Variants in GLS observed in about 807,000 individuals in gnomAD.
GLS encodes the protein glutaminase.
Under a neutral mutation model 86.7 loss-of-function variants are expected in GLS, and 36 were observed. The ratio of observed to expected loss-of-function variants is 0.42; its 90% confidence interval spans 0.32 to 0.55. GLS has a LOEUF of 0.55. GLS is among the 20% of genes least tolerant of loss of function. The pLI is 0.17. For missense variants in GLS, 528 were observed against 833.4 expected (o/e 0.63, Z 4.51); for synonymous variants, 317 against 305.9 (o/e 1.04, Z -0.38).
Position 190,921,209 on chromosome 2 carries a change from T to A in GLS, c.1130+6T>A. ...GTTGGATTCAGTAATGCAACGTGAG[T>A]GTTTTAAATACTGTTTTGTTACGTA... is the stretch of plus-strand genomic sequence containing the variant. On this transcript the variant is annotated splice_donor_region_variant and intron_variant, in intron 9 of 17. Transcript: ENST00000320717. The surrounding 1 kb of genome is among the most constrained non-coding windows in gnomAD (Gnocchi z 4.2). 1 of 1,569,978 alleles carries A rather than the reference T, an allele frequency of 6.4e-7. No individual in the cohort carries two copies. The highest frequency in any genetic ancestry group is 8.8e-7 in the Non-Finnish European group (1 of 1,140,314).
intron 4 of GLS, 106 bp from the exon 5 acceptor site, chr2:190,901,837 ATAAC>A (rs1688951744): frequency 1.4e-6 from 1 of 714,898 alleles, no homozygotes; most frequent in Non-Finnish European, 2.6e-6. Context: ...GTGTTGTAGA[ATAAC>A]TAGTCATTGG....
chr2:190,908,952 T>G (rs1406336085), intron 6 of GLS, among the ~76,000 whole-genome samples: 1 of 152,206 alleles, frequency 6.6e-6, no homozygotes, highest in Non-Finnish European at 1.5e-5. Context: ...GTACATAGAT[T>G]AGCAGTCTTC....
rs760594572 is a variant in GLS at position 190,921,253 on chromosome 2, T to C, written c.1130+50T>C. 8.6e-7 allele frequency: 1 copy of C among 1,162,968 alleles called. No homozygotes were observed. The highest frequency in any genetic ancestry group is 1.3e-6 in the Non-Finnish European group (1 of 770,074). 72.0% of individuals were successfully genotyped at this position (1,162,968 alleles called of 1,614,324 possible). Reference sequence around the variant, plus strand: ...TTACGTAAAAACACACAACTGTATTTAGAATTGATCCACTCTCTTTTCATT... The same window carrying C: ...TTACGTAAAAACACACAACTGTATTCAGAATTGATCCACTCTCTTTTCATT... On this transcript the variant is annotated intron_variant, in intron 9 of 17. Coordinates refer to ENST00000320717, the MANE Select transcript of GLS (RefSeq NM_014905.5). The surrounding 1 kb of genome is among the most constrained non-coding windows in gnomAD (Gnocchi z 4.2).
chr2:190,891,171 A>G (rs771780232), intron 1 of GLS, among the ~76,000 whole-genome samples: 2 of 152,212 alleles, frequency 1.3e-5, no homozygotes, highest in Non-Finnish European at 2.9e-5. Context: ...AGGCAAAATT[A>G]AATACTTCAT....
At chr2:190,894,085 A>G (rs1688651284) in intron 1 of GLS, among the ~76,000 whole-genome samples, 1 of 152,190 alleles carries the variant, frequency 6.6e-6, no homozygotes, top group South Asian at 2.1e-4. Context: ...TTTAATGCAT[A>G]CTTATTGGTA....
intron 17 of GLS, among the ~76,000 whole-genome samples, chr2:190,957,912 C>A (rs572490895): frequency 5.9e-5 from 9 of 152,286 alleles, no homozygotes; most frequent in African/African-American, 2.2e-4. Context: ...CAAGATGATG[C>A]TGGCCTCATA....
Position 190,924,875 on chromosome 2 carries a change from A to C in GLS, c.1248+282A>C. The C allele has an allele frequency of 3.5e-6, 1 of 283,288 alleles. No homozygotes were observed. Among genetic ancestry groups the C allele is most frequent in the Non-Finnish European group, 6.7e-6 (1 of 149,042 alleles). 17.5% of individuals were successfully genotyped at this position (283,288 alleles called of 1,614,324 possible). On this transcript the variant is annotated intron_variant, in intron 11 of 17. Coordinates refer to ENST00000320717, the MANE Select transcript of GLS (RefSeq NM_014905.5). The surrounding 1 kb of genome is among the most constrained non-coding windows in gnomAD (Gnocchi z 5.2). ...GGTTGCAGTGAGCCGAGATCACGCCACTGCATTCCAGCCTGGCGACACAGT... is the reference window on the plus strand; with the variant it reads ...GGTTGCAGTGAGCCGAGATCACGCCCCTGCATTCCAGCCTGGCGACACAGT...
intron 14 of GLS, among the ~76,000 whole-genome samples, chr2:190,944,586 T>C (rs1690535017): frequency 6.6e-6 from 1 of 152,200 alleles, no homozygotes; most frequent in South Asian, 2.1e-4. Flanking sequence ...GGAGTGCTGT[T>C]TTTCAGACCA....
intron 6 of GLS, among the ~76,000 whole-genome samples, chr2:190,907,217 C>T (rs535890713): frequency 8.0e-4 from 121 of 151,374 alleles, no homozygotes; most frequent in Middle Eastern, 6.8e-3. Context: ...AGCCACTGCA[C>T]CCGGCAGTAG....
At position 190,900,631 on chromosome 2, in the gene GLS, A is replaced by C; in HGVS notation, c.673A>C (p.Met225Leu). The C allele has an allele frequency of 6.2e-7, 1 of 1,604,702 alleles. No homozygotes were observed. The highest frequency in any genetic ancestry group is 8.5e-7 in the Non-Finnish European group (1 of 1,171,920). The change falls in exon 4 of 18, where the codon ATG (methionine) becomes CTG (leucine). Residue 225 changes from methionine to leucine, a missense_variant. Physicochemically the swap from Met to Leu is conservative, Grantham distance 15. Transcript: ENST00000320717. The part of the protein sequence containing the change: ...FRRKFVIPDF[M>L]SFTSHIDELY... The stretch of plus-strand genomic sequence containing the variant: ...AAGAAAGTTTGTGATTCCTGACTTT[A>C]TGTCTTTTACCTCACACATTGATGA...
chr2:190,960,390 G>A (rs771938977), intron 17 of GLS, among the ~76,000 whole-genome samples: 1 of 141,288 alleles, frequency 7.1e-6, no homozygotes, highest in African/African-American at 2.7e-5. Context: ...TTGAGACTGG[G>A]TCTTGCCTTG....
intron 6 of GLS, among the ~76,000 whole-genome samples, chr2:190,908,746 G>A (rs1413206763): frequency 2.0e-5 from 3 of 152,216 alleles, no homozygotes; most frequent in Non-Finnish European, 2.9e-5. Context: ...TCTCTGGCGG[G>A]TTTCCGGATG....
intron 17 of GLS, among the ~76,000 whole-genome samples, chr2:190,959,254 T>A (rs928127735): frequency 1.4e-4 from 22 of 152,150 alleles, no homozygotes; most frequent in African/African-American, 4.8e-4. Flanking sequence ...TTTTTTTTTT[T>A]TTTTGCTTTC....
At chr2:190,892,462 A>C (rs1688597986) in intron 1 of GLS, among the ~76,000 whole-genome samples, 1 of 152,174 alleles carries the variant, frequency 6.6e-6, no homozygotes, top group Admixed American at 6.5e-5. Context: ...AAAGATTGCT[A>C]TAATCCTATT....
chr2:190,962,836 T>TAA lies in GLS; in HGVS notation c.1861_1862dup (p.Asn621LysfsTer64). ...TGCTGTGCTACGTGTTTAGGTGGAA[T>TAA]AACACTCCCATGGATGAAGCACTGC... On this transcript the variant is annotated frameshift_variant, in exon 18 of 18. Transcript: ENST00000320717. LOFTEE classifies it high-confidence loss of function. The surrounding 1 kb of genome is among the most constrained non-coding windows in gnomAD (Gnocchi z 4.2). 6.5e-7 allele frequency: 1 copy of TAA among 1,540,220 alleles called. No homozygotes were observed. The highest frequency in any genetic ancestry group is 8.7e-7 in the Non-Finnish European group (1 of 1,148,802).
chr2:190,927,261 T>G (rs1189636139), intron 11 of GLS, 45 bp from the exon 12 acceptor site: 1 of 1,362,526 alleles, frequency 7.3e-7, no homozygotes, highest in East Asian at 2.4e-5. Flanking sequence ...AAGTGAACAG[T>G]AATATTAAAA....
At chr2:190,908,975 G>A (rs1284297929) in intron 6 of GLS, among the ~76,000 whole-genome samples, 1 of 152,188 alleles carries the variant, frequency 6.6e-6, no homozygotes, top group East Asian at 1.9e-4. Context: ...GGACTGTAGA[G>A]TCTAAGCCTG....
At chr2:190,898,756 C>T (rs927407547) in intron 3 of GLS, among the ~76,000 whole-genome samples, 5 of 152,108 alleles carry the variant, frequency 3.3e-5, no homozygotes, top group South Asian at 2.1e-4. Flanking sequence ...CTCAGCCTCC[C>T]GAGTAGCTGG....
chr2:190,921,170 C>G lies in GLS; in HGVS notation c.1097C>G (p.Ala366Gly). 2 of 1,608,750 alleles carry G rather than the reference C, an allele frequency of 1.2e-6. No homozygotes were observed. The highest frequency in any genetic ancestry group is 2.2e-5 in the East Asian group (1 of 44,688). ...GTCATGCAGTTTTTGAATAAGATGG[C>G]TGGTAATGAATATGTTGGATTCAGT... ...DYVMQFLNKM[A>G]GNEYVGFSNA... is the part of the protein sequence containing the mutation. Residue 366 changes from alanine (A) to glycine (G), a missense_variant, in exon 9 of 18, where the codon GCT (alanine) becomes GGT (glycine). By Grantham distance (60) the Ala-to-Gly change is moderately conservative. Coordinates refer to ENST00000320717, the MANE Select transcript of GLS (RefSeq NM_014905.5). This position sits in a 1 kb window ranked among gnomAD's most constrained non-coding sequence, Gnocchi z 4.2.
Sources: gnomAD v4.1 joint callset for allele counts (sites outside exome capture counted in the v4.1 genomes callset) on GRCh38, gnomAD v4.1.1 for gene constraint, Gnocchi (gnomAD v3.1) non-coding constraint, MANE v1.5 for transcripts, NCBI Gene and HGNC (gene_info 2026-07-23, HGNC 2026-07-21) for gene names.